STAG3: variants seen among roughly 807,000 people sequenced by gnomAD.
STAG3 encodes cohesin subunit SA-3.
A neutral mutation model predicts 160.7 loss-of-function variants in STAG3; 101 were observed. The ratio of observed to expected loss-of-function variants is 0.63; its 90% CI spans 0.54 to 0.74. The LOEUF (loss-of-function observed/expected upper bound fraction) is 0.74. Ranked by LOEUF, STAG3 falls within the 30% of genes least tolerant of loss-of-function variation. The pLI, the probability that STAG3 is intolerant of heterozygous loss-of-function variation, is 0.00. For missense variants in STAG3, 1,188 were observed against 1,517.4 expected (o/e 0.78, Z 3.61); for synonymous variants, 519 against 585.0 (o/e 0.89, Z 1.63).
chr7:100,182,066 A>C, intron 2 of STAG3, 24 bp from the exon 3 acceptor site: 1 of 1,590,562 alleles, frequency 6.3e-7, no homozygotes, highest in African/African-American at 1.3e-5. Flanking sequence ...GGTTATATTT[A>C]AAGAGAACCA....
chr7:100,192,679 C>A (rs1407777243), intron 8 of STAG3, among the ~76,000 whole-genome samples: 1 of 152,216 alleles, frequency 6.6e-6, no homozygotes, highest in Non-Finnish European at 1.5e-5. Flanking sequence ...CAGCCCCAAC[C>A]TCCTGTGCTC....
chr7:100,198,378 A>G, intron 12 of STAG3, 97 bp from the exon 13 acceptor site: 1 of 1,380,658 alleles, frequency 7.2e-7, no homozygotes, highest in Non-Finnish European at 1.0e-6. Context: ...TTTGTGAGTT[A>G]TGTCCTTGTT....
In STAG3 at chr7:100,200,245, T is replaced by G. The variant is rs779372317; in HGVS notation, c.1687T>G (p.Ser563Ala). 1 of 1,611,542 alleles carries G rather than the reference T, an allele frequency of 6.2e-7. No individual in the cohort carries two copies. Among genetic ancestry groups the G allele is most frequent in the African/African-American group, 1.3e-5 (1 of 74,680 alleles). Residue 563 changes from serine (S) to alanine (A), a missense_variant, in exon 17 of 34, where the codon TCT becomes GCT. By Grantham distance (99) the Ser-to-Ala change is moderately conservative. Coordinates refer to ENST00000615138, the MANE Select transcript of STAG3 (RefSeq NM_001282717.2). ...GRVTGRKGLT[S>A]KERKTQADDR... The stretch of plus-strand genomic sequence containing the variant: ...GTGACTCTCATTCCAGGGCTTAACC[T>G]CTAAGGAGCGCAAGACCCAAGCCGA...
chr7:100,185,450 C>A (rs1368315568), intron 4 of STAG3, among the ~76,000 whole-genome samples: 1 of 151,572 alleles, frequency 6.6e-6, no homozygotes, highest in Admixed American at 6.6e-5. Flanking sequence ...CAAAAATTAG[C>A]CATTAGCCAG....
At chr7:100,205,484 C>T in intron 29 of STAG3, 100 bp downstream of exon 29, 2 of 1,218,928 alleles carry the variant, frequency 1.6e-6, no homozygotes, top group Non-Finnish European at 2.2e-6. Flanking sequence ...TACTGTCATT[C>T]AGGGTATTAA....
At chr7:100,186,996 G>C (rs1325251655) in intron 5 of STAG3, among the ~76,000 whole-genome samples, 1 of 151,976 alleles carries the variant, frequency 6.6e-6, no homozygotes. Context: ...TAAGAAATCA[G>C]CATCTGGCTT....
chr7:100,189,352 A>G, intron 7 of STAG3, 93 bp from the exon 8 acceptor site: 2 of 1,376,570 alleles, frequency 1.5e-6, no homozygotes, highest in African/African-American at 1.4e-5. Context: ...TCTCATTTTC[A>G]TTGCCCTTCT....
chr7:100,182,316 G>A (rs1046616204), intron 3 of STAG3, 124 bp downstream of exon 3: 6 of 660,692 alleles, frequency 9.1e-6, no homozygotes, highest in Middle Eastern at 4.2e-4. Flanking sequence ...CCGAGATTGC[G>A]CCCCTGCACT....
Position 100,211,838 on chromosome 7 carries a change from C to T in STAG3, c.3562C>T (p.Gln1188Ter), listed in dbSNP as rs1361041605. The T allele has an allele frequency of 1.9e-6, 3 of 1,613,952 alleles. No homozygotes were observed. The highest frequency in any genetic ancestry group is 3.3e-5 in the Admixed American group (2 of 59,992). Residue 1188 changes from glutamine (Q) to a stop codon, truncating the protein, a stop_gained, in exon 32 of 34, where the codon CAG becomes TAG. Coordinates refer to ENST00000615138, the MANE Select transcript of STAG3 (RefSeq NM_001282717.2). LOFTEE classifies it high-confidence loss of function. ...GGACGAGGAAGAAGAGTTAGAAATC[C>T]AGGATGAGTCAAATGAAGAACGGCA... ...EEDEEEELEIQDESNEERQDT... is the reference protein window; with the variant it reads ...EEDEEEELEI
At chr7:100,213,856 GC>G (rs1802521337) in intron 33 of STAG3, 50 bp downstream of exon 33, 1 of 1,613,930 alleles carries the variant, frequency 6.2e-7, no homozygotes, top group Admixed American at 1.7e-5. Context: ...ATGCTGGCAG[GC>G]AACCCGTGCA....
intron 32 of STAG3, chr7:100,213,247 C>T (rs1802427706): frequency 1.0e-6 from 1 of 976,644 alleles, no homozygotes; most frequent in South Asian, 4.2e-5. Flanking sequence ...CACTTCCAAA[C>T]AGCATCACAC....
Position 100,195,309 on chromosome 7 carries a change from C to T in STAG3, c.868C>T (p.Leu290Phe). Residue 290 changes from leucine to phenylalanine, a missense_variant and splice_region_variant, in exon 9 of 34, where the codon CTC (leucine) becomes TTC (phenylalanine). Coordinates refer to ENST00000615138, the MANE Select transcript of STAG3 (RefSeq NM_001282717.2). The stretch of plus-strand genomic sequence containing the variant: ...TAACCCGTTTCTCCCTGTCCTCCAG[C>T]TCCAAGAGCATCAAGAGGAGATTGA... Reference protein sequence around the residue: ...LESLLEKRKELQEHQEEIEGM... With the variant: ...LESLLEKRKEFQEHQEEIEGM... The T allele has an allele frequency of 5.6e-6, 9 of 1,614,130 alleles. No homozygotes were observed. Among genetic ancestry groups the T allele is most frequent in the East Asian group, 4.5e-5 (2 of 44,880 alleles).
At position 100,197,825 on chromosome 7, in the gene STAG3, C is replaced by T. The variant is rs749436216; in HGVS notation, c.1113C>T (p.Tyr371=). 3.0e-5 allele frequency: 49 copies of T among 1,613,756 alleles called. No individual in the cohort carries two copies. Among genetic ancestry groups the T allele is most frequent in the Middle Eastern group, 1.6e-4 (1 of 6,076 alleles). The change falls in exon 11 of 34, where the codon TAC becomes TAT. Residue 371 remains tyrosine, a synonymous_variant. Coordinates refer to ENST00000615138, the MANE Select transcript of STAG3 (RefSeq NM_001282717.2). Reference sequence around the variant, plus strand: ...GTGTGAAGGCCCTGAAAGGGCTGTACGGTAACCGGGACCTGACCACACGCC... The same window carrying T: ...GTGTGAAGGCCCTGAAAGGGCTGTATGGTAACCGGGACCTGACCACACGCC... The part of the protein sequence containing the change: ...LKCVKALKGL[Y]GNRDLTTRLE...
At position 100,211,851 on chromosome 7, in the gene STAG3, A is replaced by G; in HGVS notation, c.3575A>G (p.Asn1192Ser). 6.2e-7 allele frequency: 1 copy of G among 1,614,140 alleles called. No homozygotes were observed. The highest frequency in any genetic ancestry group is 1.3e-5 in the African/African-American group (1 of 75,036). Reference protein sequence around the residue: ...EEELEIQDESNEERQDTDMQA... With the variant: ...EEELEIQDESSEERQDTDMQA... ...GAGTTAGAAATCCAGGATGAGTCAAATGAAGAACGGCAGGATACAGACATG... is the reference window on the plus strand; with the variant it reads ...GAGTTAGAAATCCAGGATGAGTCAAGTGAAGAACGGCAGGATACAGACATG... The change falls in exon 32 of 34, where the codon AAT becomes AGT. Residue 1192 changes from asparagine (N) to serine (S), a missense_variant. Transcript: ENST00000615138.
At position 100,182,684 on chromosome 7, in the gene STAG3, G is replaced by T. The variant is rs1562965027; in HGVS notation, c.220-39G>T. Reference sequence around the variant, plus strand: ...CGTTAATGTCACTGTTACCTTTTTTGTTTTTTTTTCATATTTCTGATCTTT... The same window carrying T: ...CGTTAATGTCACTGTTACCTTTTTTTTTTTTTTTTCATATTTCTGATCTTT... On this transcript the variant is annotated intron_variant, in intron 3 of 33. Transcript: ENST00000615138. 44 of 1,478,080 alleles carry T rather than the reference G, an allele frequency of 3.0e-5. No homozygotes were observed. In the Admixed American group the frequency reaches 4.3e-4, roughly 14 times the overall value. 91.6% of individuals were successfully genotyped at this position (1,478,080 alleles called of 1,614,324 possible).
At chr7:100,209,887 T>C (rs1394447315) in intron 29 of STAG3, among the ~76,000 whole-genome samples, 1 of 151,386 alleles carries the variant, frequency 6.6e-6, no homozygotes, top group African/African-American at 2.4e-5. Flanking sequence ...AGGCAGAGAG[T>C]GAAGATAGCT....
intron 4 of STAG3, among the ~76,000 whole-genome samples, chr7:100,185,914 C>T (rs1297355123): frequency 6.6e-6 from 1 of 152,202 alleles, no homozygotes; most frequent in Non-Finnish European, 1.5e-5. Context: ...GCTCTACCTC[C>T]TGTGCTCTGC....
At chr7:100,185,463 G>A (rs193057363) in intron 4 of STAG3, among the ~76,000 whole-genome samples, 32 of 151,898 alleles carry the variant, frequency 2.1e-4, no homozygotes, top group Non-Finnish European at 4.0e-4. Context: ...TTAGCCAGGC[G>A]TGGTGGCGCA....
intron 32 of STAG3, chr7:100,213,265 A>G (rs750878349): frequency 1.2e-5 from 12 of 1,003,402 alleles, no homozygotes; most frequent in African/African-American, 1.7e-5. Context: ...CACTGGGGGA[A>G]GGATTTCAAT....
Sources: gnomAD v4.1 joint callset for allele counts (sites outside exome capture counted in the v4.1 genomes callset) on GRCh38, gnomAD v4.1.1 for gene constraint, MANE v1.5 for transcripts, NCBI Gene and HGNC (gene_info 2026-07-23, HGNC 2026-07-21) for gene names.